LRRC3B: variants seen among roughly 807,000 people sequenced by gnomAD.
LRRC3B encodes the protein leucine rich repeat containing 3B, also known as leucine-rich repeat-containing protein 3B.
LRRC3B carries 2 observed loss-of-function variants against 12.8 expected under a neutral mutation model. The ratio of observed to expected loss-of-function variants is 0.16; its 90% CI spans 0.06 to 0.49. LRRC3B has a LOEUF of 0.49. LRRC3B is among the 20% of genes least tolerant of loss of function. The pLI is 0.96. For missense variants in LRRC3B, 189 were observed against 319.4 expected (o/e 0.59, Z 3.11); for synonymous variants, 132 against 122.0 (o/e 1.08, Z -0.54).
At chr3:26,672,480 G>A (rs1342814357) in intron 1 of LRRC3B, among the ~76,000 whole-genome samples, 1 of 152,146 alleles carries the variant, frequency 6.6e-6, no homozygotes, top group Non-Finnish European at 1.5e-5. Flanking sequence ...GGCCTGAGAA[G>A]ACACTGGGAA....
At chr3:26,666,038 C>T (rs537541604) in intron 1 of LRRC3B, among the ~76,000 whole-genome samples, 13 of 152,242 alleles carry the variant, frequency 8.5e-5, no homozygotes, top group African/African-American at 2.9e-4. Context: ...TTAACAGAAA[C>T]ATTGAGAATG....
chr3:26,670,793 G>A (rs1002289452), intron 1 of LRRC3B, among the ~76,000 whole-genome samples: 2 of 152,064 alleles, frequency 1.3e-5, no homozygotes, highest in African/African-American at 2.4e-5. Flanking sequence ...TAGGAAAATG[G>A]AAAGCAATAA....
At chr3:26,691,103 G>GTATA (rs1298635555) in intron 1 of LRRC3B, among the ~76,000 whole-genome samples, 19 of 44,952 alleles carry the variant, frequency 4.2e-4, no homozygotes, top group African/African-American at 9.9e-4. Flanking sequence ...GTGTGTGTGT[G>GTATA]TGTATATATA....
chr3:26,691,779 C>G (rs1308801538), intron 1 of LRRC3B, among the ~76,000 whole-genome samples: 2 of 152,024 alleles, frequency 1.3e-5, no homozygotes, highest in African/African-American at 2.4e-5. Context: ...TGATGGAAGC[C>G]TTTTGCAGAC....
chr3:26,680,102 G>C (rs1699939953), intron 1 of LRRC3B, among the ~76,000 whole-genome samples: 1 of 152,150 alleles, frequency 6.6e-6, no homozygotes, highest in Admixed American at 6.5e-5. Flanking sequence ...GTCTGAGACA[G>C]GGCTTAAAAT....
rs796332084 is a variant in LRRC3B at position 26,671,346 on chromosome 3, GTGTGTA to G, written c.-160-38165_-160-38160del. Reference sequence around the variant, plus strand: ...ATCTTATAAATGTGTGTGTATATATGTGTGTATATATATATATATATATATATAGAG... The same window carrying G: ...ATCTTATAAATGTGTGTGTATATATGTATATATATATATATATATATAGAG... On this transcript the variant is annotated intron_variant, in intron 1 of 1. Coordinates refer to ENST00000396641, the Ensembl canonical transcript of LRRC3B. Among the ~76,000 whole-genome samples the G allele has an allele frequency of 5.9e-3, 334 of 56,288 alleles. 21 individuals are homozygous for G. The highest frequency in any genetic ancestry group is 0.015 in the East Asian group (19 of 1,226). The allele number at this position is 56,288 out of a possible 152,430, so 36.9% of individuals were successfully genotyped here.
intron 1 of LRRC3B, among the ~76,000 whole-genome samples, chr3:26,703,161 A>G (rs1700499372): frequency 6.6e-6 from 1 of 152,142 alleles, no homozygotes; most frequent in Non-Finnish European, 1.5e-5. Flanking sequence ...TTTAGTCACA[A>G]ATACACAGGA....
chr3:26,643,454 A>T (rs1386083927), intron 1 of LRRC3B, among the ~76,000 whole-genome samples: 1 of 152,060 alleles, frequency 6.6e-6, no homozygotes, highest in Non-Finnish European at 1.5e-5. Context: ...CTCAGCATGG[A>T]GTGGTGGAAT....
At chr3:26,630,436 TATAAA>T (rs1477477374) in intron 1 of LRRC3B, among the ~76,000 whole-genome samples, 1 of 151,754 alleles carries the variant, frequency 6.6e-6, no homozygotes, top group Non-Finnish European at 1.5e-5. Context: ...TTTATCGACT[TATAAA>T]AGAAACCACT....
chr3:26,691,091 A>ATG (rs1164705682), intron 1 of LRRC3B, among the ~76,000 whole-genome samples: 5,713 of 107,202 alleles, frequency 0.053, 634 homozygotes, highest in African/African-American at 0.19. Flanking sequence ...GTGTGTGTAT[A>ATG]TGTGTGTGTG....
intron 1 of LRRC3B, among the ~76,000 whole-genome samples, chr3:26,650,549 T>C (rs1384107877): frequency 1.3e-5 from 2 of 152,162 alleles, no homozygotes; most frequent in Non-Finnish European, 2.9e-5. Flanking sequence ...CAGAGAGAAT[T>C]TGAAAATATT....
chr3:26,671,373 T>TATATATAGAGAGAG (rs1261897533), intron 1 of LRRC3B, among the ~76,000 whole-genome samples: 5 of 28,250 alleles, frequency 1.8e-4, no homozygotes, highest in South Asian at 2.2e-3. Flanking sequence ...TATATATATA[T>TATATATAGAGAGAG]AGAGAGAGAG....
intron 1 of LRRC3B, among the ~76,000 whole-genome samples, chr3:26,652,625 A>G (rs1295487595): frequency 2.0e-5 from 3 of 152,196 alleles, no homozygotes; most frequent in Non-Finnish European, 4.4e-5. Context: ...CCATGTACTA[A>G]GTATGTCTCT....
chr3:26,668,299 G>T (rs1198053665), intron 1 of LRRC3B, among the ~76,000 whole-genome samples: 1 of 152,100 alleles, frequency 6.6e-6, no homozygotes, highest in Non-Finnish European at 1.5e-5. Context: ...AGCCAGAGCT[G>T]GTTACTTAAG....
At chr3:26,657,943 C>T (rs1699410501) in intron 1 of LRRC3B, among the ~76,000 whole-genome samples, 1 of 152,168 alleles carries the variant, frequency 6.6e-6, no homozygotes, top group Admixed American at 6.5e-5. Flanking sequence ...AAGAGAAAAT[C>T]AGTGAGAGAT....
intron 1 of LRRC3B, among the ~76,000 whole-genome samples, chr3:26,651,493 ACT>A (rs1406778583): frequency 6.6e-6 from 1 of 151,928 alleles, no homozygotes; most frequent in Admixed American, 6.6e-5. Context: ...CTCCTCTGTT[ACT>A]CTCTAAGTTT....
chr3:26,697,009 T>C (rs753923179), intron 1 of LRRC3B, among the ~76,000 whole-genome samples: 3 of 152,200 alleles, frequency 2.0e-5, no homozygotes, highest in Non-Finnish European at 4.4e-5. Context: ...TTTCTGTCTT[T>C]AGCTGCCAGG....
intron 1 of LRRC3B, among the ~76,000 whole-genome samples, chr3:26,694,242 A>C (rs1183733646): frequency 6.6e-6 from 1 of 152,208 alleles, no homozygotes. Context: ...GCAATGTTTT[A>C]TTCTATGGGC....
intron 1 of LRRC3B, among the ~76,000 whole-genome samples, chr3:26,685,387 C>CCTAT (rs1700054794): frequency 6.7e-6 from 1 of 149,688 alleles, no homozygotes; most frequent in Non-Finnish European, 1.5e-5. Context: ...CAAAATGCTA[C>CCTAT]CTATCTTACT....
Sources: allele counts gnomAD v4.1 joint callset (sites outside exome capture counted in the v4.1 genomes callset), GRCh38; gene constraint gnomAD v4.1.1; transcripts MANE v1.5; gene names NCBI Gene and HGNC (gene_info 2026-07-23, HGNC 2026-07-21).